The following STK39 variants were observed in gnomAD, a reference collection of about 807,000 sequenced individuals.
STK39 encodes serine/threonine kinase 39, also known as STE20/SPS1-related proline-alanine-rich protein kinase.
STK39 carries 20 observed loss-of-function variants against 77.8 expected under a neutral mutation model. That is an observed-to-expected ratio of 0.26 (90% CI 0.18 to 0.37). The LOEUF (loss-of-function observed/expected upper bound fraction) is 0.37. STK39 is among the 10% of genes least tolerant of loss of function. The pLI, the probability that STK39 is intolerant of heterozygous loss-of-function variation, is 1.00. For missense variants in STK39, 479 were observed against 656.5 expected, an observed-to-expected ratio of 0.73 and a Z score of 2.95; for synonymous variants, 246 against 234.1, an observed-to-expected ratio of 1.05 and a Z score of -0.47.
At chr2:168,119,810 A>G (rs1687357869) in intron 10 of STK39, among the ~76,000 whole-genome samples, 1 of 152,248 alleles carries the variant, frequency 6.6e-6, no homozygotes, top group African/African-American at 2.4e-5. Flanking sequence ...GATATTTTAT[A>G]AGTTAATTAT....
intron 16 of STK39, among the ~76,000 whole-genome samples, chr2:167,966,162 C>T (rs975954232): frequency 6.6e-6 from 1 of 152,158 alleles, no homozygotes; most frequent in Admixed American, 6.5e-5. Flanking sequence ...ATATCGGGTA[C>T]ACCCCAGGGC....
rs1444135258 is a variant in STK39 at position 168,247,216 on chromosome 2, C to T, written c.208+12G>A. On this transcript the variant is annotated intron_variant, in intron 1 of 17. Coordinates refer to ENST00000355999, the MANE Select transcript of STK39 (RefSeq NM_013233.3). ...CGGCCTGTGCCGGCCCCGCCGCGCC[C>T]GCCGCACTGACCGATAACCTCCTGC... 3.3e-6 allele frequency: 4 copies of T among 1,202,504 alleles called. No individual in the cohort carries two copies. The highest frequency in any genetic ancestry group is 4.1e-5 in the Admixed American group (1 of 24,618). 74.5% of individuals were successfully genotyped at this position (1,202,504 alleles called of 1,614,324 possible).
intron 10 of STK39, among the ~76,000 whole-genome samples, chr2:168,109,145 T>C (rs1376053462): frequency 6.6e-6 from 1 of 152,196 alleles, no homozygotes; most frequent in Non-Finnish European, 1.5e-5. Flanking sequence ...ACAAACAACA[T>C]ATATTTATAT....
intron 14 of STK39, among the ~76,000 whole-genome samples, chr2:168,052,977 C>A (rs1002197932): frequency 2.0e-5 from 3 of 152,170 alleles, no homozygotes; most frequent in Non-Finnish European, 1.5e-5. Flanking sequence ...GACCCAAGAG[C>A]CAGAACCAGC....
intron 16 of STK39, among the ~76,000 whole-genome samples, chr2:167,979,559 A>G (rs1334898206): frequency 2.0e-5 from 3 of 152,262 alleles, no homozygotes; most frequent in Non-Finnish European, 4.4e-5. Flanking sequence ...AAAAAGAAAC[A>G]GAAGTTTTTA....
intron 16 of STK39, among the ~76,000 whole-genome samples, chr2:167,980,722 G>A (rs1683393402): frequency 1.3e-5 from 2 of 151,188 alleles, no homozygotes; most frequent in African/African-American, 2.4e-5. Flanking sequence ...TCTGGGGAAG[G>A]ACATCTACTT....
chr2:167,968,981 G>C (rs1692241998), intron 16 of STK39, among the ~76,000 whole-genome samples: 1 of 152,146 alleles, frequency 6.6e-6, no homozygotes, highest in Non-Finnish European at 1.5e-5. Flanking sequence ...CTGAATTCGT[G>C]AGCCAGGGTG....
At chr2:168,084,250 A>G (rs1283306292) in intron 10 of STK39, among the ~76,000 whole-genome samples, 2 of 152,192 alleles carry the variant, frequency 1.3e-5, no homozygotes, top group Non-Finnish European at 2.9e-5. Flanking sequence ...CTAGGACTTG[A>G]GGATAACAAA....
chr2:167,982,297 G>A (rs1265308898), intron 16 of STK39, among the ~76,000 whole-genome samples: 2 of 152,100 alleles, frequency 1.3e-5, no homozygotes, highest in Admixed American at 1.3e-4. Context: ...AAAATTAAGT[G>A]CTGAATTTTT....
At chr2:168,239,287 C>G (rs993924617) in intron 1 of STK39, among the ~76,000 whole-genome samples, 2 of 152,164 alleles carry the variant, frequency 1.3e-5, no homozygotes, top group African/African-American at 4.8e-5. Flanking sequence ...GAAAAGAAAG[C>G]TCTAGAGCTT....
At chr2:168,072,597 T>C (rs1202395251) in intron 12 of STK39, among the ~76,000 whole-genome samples, 1 of 152,260 alleles carries the variant, frequency 6.6e-6, no homozygotes, top group African/African-American at 2.4e-5. Flanking sequence ...TTTTGCTCTG[T>C]ATTTCTCACT....
intron 10 of STK39, among the ~76,000 whole-genome samples, chr2:168,082,952 G>T (rs1290995877): frequency 1.3e-5 from 2 of 152,098 alleles, no homozygotes; most frequent in Non-Finnish European, 2.9e-5. Flanking sequence ...CCAGGGGCAT[G>T]GTCATATAAT....
intron 10 of STK39, among the ~76,000 whole-genome samples, chr2:168,100,367 C>T (rs1483967296): frequency 1.3e-5 from 2 of 152,070 alleles, no homozygotes; most frequent in East Asian, 3.9e-4. Flanking sequence ...CCAAAGGTAA[C>T]CACATGATCA....
chr2:168,109,957 C>T (rs925971760), intron 10 of STK39, among the ~76,000 whole-genome samples: 5 of 152,114 alleles, frequency 3.3e-5, no homozygotes, highest in African/African-American at 1.2e-4. Context: ...GGCTGTATGC[C>T]TTAAAAATGT....
rs1207757423 is a variant in STK39 at position 168,210,082 on chromosome 2, A to AAGGAAGGAAGGAAGG, written c.209-27993_209-27992insCCTTCCTTCCTTCCT. On this transcript the variant is annotated intron_variant, in intron 1 of 17. Coordinates refer to ENST00000355999, the MANE Select transcript of STK39 (RefSeq NM_013233.3). The stretch of plus-strand genomic sequence containing the variant: ...GGAAGGAAGGAAGGAAGGAAGGAAG[A>AAGGAAGGAAGGAAGG]AAGAAACTCATGTAATTAGAAAAAC... Among the ~76,000 whole-genome samples the AAGGAAGGAAGGAAGG allele has an allele frequency of 5.8e-3, 750 of 128,840 alleles. 14 individuals carry two copies. The highest frequency in any genetic ancestry group is 0.042 in the East Asian group (184 of 4,414). 84.5% of individuals were successfully genotyped at this position (128,840 alleles called of 152,430 possible). A position where few individuals can be genotyped will look rare whatever the true frequency, so the allele number is the denominator to read the frequency against.
intron 8 of STK39, among the ~76,000 whole-genome samples, chr2:168,133,742 C>G (rs1687760139): frequency 6.6e-6 from 1 of 151,978 alleles, no homozygotes; most frequent in South Asian, 2.1e-4. Flanking sequence ...CCTGTAATCC[C>G]AGCTACTCAG....
intron 2 of STK39, among the ~76,000 whole-genome samples, chr2:168,169,917 C>T (rs1688781249): frequency 6.7e-6 from 1 of 148,456 alleles, no homozygotes; most frequent in South Asian, 2.1e-4. Context: ...TTCTTCCATG[C>T]AGCTGAGCCA....
At chr2:168,181,378 C>T (rs1037163217) in intron 2 of STK39, among the ~76,000 whole-genome samples, 1 of 152,170 alleles carries the variant, frequency 6.6e-6, no homozygotes, top group Non-Finnish European at 1.5e-5. Flanking sequence ...CTTCAACCAA[C>T]CATTGCTACT....
chr2:168,051,744 C>T (rs1486131176), intron 14 of STK39, among the ~76,000 whole-genome samples: 2 of 152,138 alleles, frequency 1.3e-5, no homozygotes, highest in Non-Finnish European at 2.9e-5. Flanking sequence ...CAAGCCACAG[C>T]GCCCAGCCCC....
Sources: allele counts gnomAD v4.1 joint callset (sites outside exome capture counted in the v4.1 genomes callset), GRCh38; gene constraint gnomAD v4.1.1; transcripts MANE v1.5; gene names NCBI Gene and HGNC (gene_info 2026-07-23, HGNC 2026-07-21).